Variants in ERC2 observed in about 807,000 individuals in gnomAD.
ERC2 encodes ELKS/RAB6-interacting/CAST family member 2.
A neutral mutation model predicts 114.8 loss-of-function variants in ERC2; 42 were observed. That is an observed-to-expected ratio of 0.37 (90% CI 0.29 to 0.47). ERC2 has a LOEUF of 0.47. Ranked by LOEUF, ERC2 falls within the 20% of genes least tolerant of loss-of-function variation. The probability of loss-of-function intolerance (pLI) is 0.99; values close to 1 mark genes in which losing one functional copy is unlikely to be tolerated. For synonymous variants in ERC2, 454 were observed against 425.5 expected, an observed-to-expected ratio of 1.07 and a Z score of -0.82; for missense variants, 939 against 1,150.7, an observed-to-expected ratio of 0.82 and a Z score of 2.66.
At chr3:56,113,546 AAAG>A (rs1309425012) in intron 6 of ERC2, among the ~76,000 whole-genome samples, 1 of 152,218 alleles carries the variant, frequency 6.6e-6, no homozygotes, top group Admixed American at 6.5e-5. Flanking sequence ...TGTTACATTA[AAAG>A]AAGAAAACTC....
intron 2 of ERC2, among the ~76,000 whole-genome samples, chr3:56,324,659 G>A (rs1277289638): frequency 6.6e-6 from 1 of 152,098 alleles, no homozygotes; most frequent in Non-Finnish European, 1.5e-5. Context: ...TGGTCACAAT[G>A]GAAACTGACA....
At chr3:55,745,441 A>G (rs2066245981) in intron 14 of ERC2, among the ~76,000 whole-genome samples, 1 of 152,248 alleles carries the variant, frequency 6.6e-6, no homozygotes, top group African/African-American at 2.4e-5. Context: ...AAATTGGTAA[A>G]TCTAGGAAGC....
intron 14 of ERC2, among the ~76,000 whole-genome samples, chr3:55,790,662 C>T (rs1362520062): frequency 6.6e-6 from 1 of 152,232 alleles, no homozygotes; most frequent in Non-Finnish European, 1.5e-5. Flanking sequence ...AAATCCTTGT[C>T]TGAAGGCCAA....
intron 12 of ERC2, among the ~76,000 whole-genome samples, chr3:55,961,564 G>A (rs1337211313): frequency 6.6e-6 from 1 of 152,042 alleles, no homozygotes; most frequent in Non-Finnish European, 1.5e-5. Flanking sequence ...TACACTAAGG[G>A]TCTAGCACAA....
intron 3 of ERC2, among the ~76,000 whole-genome samples, chr3:56,274,643 G>A (rs1029627927): frequency 6.6e-6 from 1 of 152,184 alleles, no homozygotes; most frequent in East Asian, 1.9e-4. Context: ...GTGTGGGTGT[G>A]TGATTGTTCT....
At chr3:55,540,396 C>A (rs975680571) in intron 17 of ERC2, among the ~76,000 whole-genome samples, 1 of 152,140 alleles carries the variant, frequency 6.6e-6, no homozygotes, top group South Asian at 2.1e-4. Context: ...TGAGAATGTT[C>A]CAGACTGAGA....
At chr3:56,127,357 AGC>A (rs2079935600) in intron 6 of ERC2, among the ~76,000 whole-genome samples, 1 of 152,184 alleles carries the variant, frequency 6.6e-6, no homozygotes, top group South Asian at 2.1e-4. Context: ...GATCCCGAAA[AGC>A]CAAAGCAATC....
chr3:55,908,403 A>T (rs2064593997), intron 13 of ERC2, among the ~76,000 whole-genome samples: 1 of 151,998 alleles, frequency 6.6e-6, no homozygotes, highest in African/African-American at 2.4e-5. Context: ...AGGAAAGAGT[A>T]TGGGCTGGGA....
intron 12 of ERC2, among the ~76,000 whole-genome samples, chr3:55,977,088 T>G (rs1424525803): frequency 6.6e-6 from 1 of 152,228 alleles, no homozygotes; most frequent in Non-Finnish European, 1.5e-5. Flanking sequence ...CTTTCCACTC[T>G]CCAGAACTGT....
intron 10 of ERC2, among the ~76,000 whole-genome samples, chr3:56,000,197 T>C (rs1343138620): frequency 1.3e-5 from 2 of 152,024 alleles, no homozygotes; most frequent in East Asian, 1.9e-4. Flanking sequence ...CCTCTCAACA[T>C]GAATAAAAAT....
chr3:55,691,536 T>A (rs1192799023), intron 16 of ERC2, among the ~76,000 whole-genome samples: 1 of 90,110 alleles, frequency 1.1e-5, no homozygotes, highest in Non-Finnish European at 2.0e-5. Context: ...GACATTAGAT[T>A]TGCAATGCAA....
intron 17 of ERC2, among the ~76,000 whole-genome samples, chr3:55,519,259 A>G (rs2052738059): frequency 6.6e-6 from 1 of 152,208 alleles, no homozygotes; most frequent in Non-Finnish European, 1.5e-5. Flanking sequence ...TGTTCACACA[A>G]AGGAATTATT....
intron 15 of ERC2, among the ~76,000 whole-genome samples, chr3:55,708,619 A>G (rs1462430884): frequency 1.3e-5 from 2 of 152,212 alleles, no homozygotes; most frequent in Admixed American, 6.5e-5. Context: ...GTCTCTGAAA[A>G]AAACTCCAGA....
At chr3:56,218,310 C>T (rs1172786556) in intron 3 of ERC2, among the ~76,000 whole-genome samples, 1 of 152,110 alleles carries the variant, frequency 6.6e-6, no homozygotes, top group African/African-American at 2.4e-5. Flanking sequence ...ACAAACAACC[C>T]CATCAACAAG....
chr3:55,703,553 T>C (rs1007396075), intron 15 of ERC2, among the ~76,000 whole-genome samples: 1 of 152,226 alleles, frequency 6.6e-6, no homozygotes, highest in Non-Finnish European at 1.5e-5. Flanking sequence ...GCAGGTTCAC[T>C]TGGCTTTCTC....
At chr3:56,161,306 T>C (rs959289983) in intron 4 of ERC2, among the ~76,000 whole-genome samples, 2 of 152,198 alleles carry the variant, frequency 1.3e-5, no homozygotes, top group African/African-American at 2.4e-5. Context: ...CTTCTTTTCT[T>C]TATGGAATAC....
At chr3:56,386,677 C>T (rs758324674) in intron 2 of ERC2, among the ~76,000 whole-genome samples, 12 of 152,104 alleles carry the variant, frequency 7.9e-5, no homozygotes, top group African/African-American at 1.9e-4. Context: ...TGGTTTTCCT[C>T]GCTGGAAAGA....
chr3:56,311,255 C>CTCTCTA (rs1314796268), intron 2 of ERC2, among the ~76,000 whole-genome samples: 21 of 79,060 alleles, frequency 2.7e-4, no homozygotes, highest in African/African-American at 9.7e-4. Flanking sequence ...CTCTCTCTCT[C>CTCTCTA]TATATATATA....
intron 3 of ERC2, among the ~76,000 whole-genome samples, chr3:56,233,842 C>G (rs140661710): frequency 6.6e-6 from 1 of 152,144 alleles, no homozygotes; most frequent in African/African-American, 2.4e-5. Context: ...ATCAATCTGA[C>G]CTCTGTCTCT....
Sources: gnomAD v4.1 joint callset for allele counts (sites outside exome capture counted in the v4.1 genomes callset) on GRCh38, gnomAD v4.1.1 for gene constraint, MANE v1.5 for transcripts, NCBI Gene and HGNC (gene_info 2026-07-23, HGNC 2026-07-21) for gene names.